The following EPM2A variants were observed in gnomAD, a reference collection of about 807,000 sequenced individuals.
EPM2A encodes the protein EPM2A glucan phosphatase, laforin, also known as laforin.
In EPM2A, 21 loss-of-function variants were observed where a neutral mutation model predicts 26.5. The ratio of observed to expected loss-of-function variants is 0.79; its 90% confidence interval spans 0.56 to 1.14. The LOEUF (loss-of-function observed/expected upper bound fraction) is 1.14, where lower values mean the gene tolerates loss of function less well. EPM2A is among the 50% of genes most tolerant of loss of function. The pLI is 0.00. For missense variants in EPM2A, 458 were observed against 440.8 expected (o/e 1.04, Z -0.35); for synonymous variants, 217 against 177.6 (o/e 1.22, Z -1.76).
At chr6:145,542,528 G>A (rs1474442187) in intron 2 of EPM2A, among the ~76,000 whole-genome samples, 1 of 152,194 alleles carries the variant, frequency 6.6e-6, no homozygotes, top group Non-Finnish European at 1.5e-5. Flanking sequence ...GTCAACTGCT[G>A]AGGCAAAGAC....
chr6:145,522,826 C>G lies in EPM2A; in HGVS notation c.341-20251G>C, dbSNP rs191620074. Among the ~76,000 whole-genome samples the G allele has an allele frequency of 8.8e-5, 13 of 148,020 alleles. No individual in the cohort carries two copies. The East Asian group carries it at 2.4e-3, about 27-fold the overall frequency. The stretch of plus-strand genomic sequence containing the variant: ...ATCACCCATGTTGAACTACAATAAA[C>G]TCCTCAAAGACACTCTCTTTTTTTA... On this transcript the variant is annotated intron_variant, in intron 2 of 3. Coordinates refer to the EPM2A transcript ENST00000450221.
intron 2 of EPM2A, among the ~76,000 whole-genome samples, chr6:145,513,786 A>G (rs927218410): frequency 1.3e-5 from 2 of 152,246 alleles, no homozygotes; most frequent in Admixed American, 1.3e-4. Context: ...AGAAGAAGCC[A>G]GCCATCTCTC....
At chr6:145,556,925 T>C (rs1331772982) in intron 2 of EPM2A, among the ~76,000 whole-genome samples, 1 of 152,118 alleles carries the variant, frequency 6.6e-6, no homozygotes, top group Non-Finnish European at 1.5e-5. Context: ...GGAAATATCA[T>C]ACACGATCAT....
chr6:145,479,834 TATTTTCC>T, intron 4 of EPM2A, among the ~76,000 whole-genome samples: 1 of 152,192 alleles, frequency 6.6e-6, no homozygotes, highest in African/African-American at 2.4e-5. Context: ...GACCACCAAC[TATTTTCC>T]ATGGAGGCAG....
At chr6:145,448,373 A>G (rs1450420148) in intron 4 of EPM2A, among the ~76,000 whole-genome samples, 1 of 152,112 alleles carries the variant, frequency 6.6e-6, no homozygotes, top group Admixed American at 6.5e-5. Context: ...GGAAAAAGGC[A>G]AGAGAATTTA....
At position 145,446,617 on chromosome 6, in the gene EPM2A, CA is replaced by C. The variant is rs532219399; in HGVS notation, c.555+55904del. Among the ~76,000 whole-genome samples the C allele has an allele frequency of 4.3e-3, 649 of 152,222 alleles. 2 individuals are homozygous for C. The highest frequency in any genetic ancestry group is 7.4e-3 in the Non-Finnish European group (500 of 68,002). On this transcript the variant is annotated intron_variant, in intron 4 of 4. Transcript: ENST00000638717. ...TATGACCTAGCCCTGTGTTTTTCAC[CA>C]GGGTCTCACCTCCTTGGCAGGATTA...
chr6:145,393,567 G>A (rs1778365483), intron 4 of EPM2A, among the ~76,000 whole-genome samples: 1 of 152,066 alleles, frequency 6.6e-6, no homozygotes, highest in African/African-American at 2.4e-5. Flanking sequence ...TTTTCCTTGT[G>A]GTAAATTCAG....
At chr6:145,667,866 G>A (rs952294582) in intron 2 of EPM2A, among the ~76,000 whole-genome samples, 1 of 150,832 alleles carries the variant, frequency 6.6e-6, no homozygotes, top group Admixed American at 6.6e-5. Context: ...CCTTTGTAGG[G>A]ACGTGGATGA....
At chr6:145,385,931 A>C (rs1778254888) in intron 4 of EPM2A, among the ~76,000 whole-genome samples, 1 of 152,054 alleles carries the variant, frequency 6.6e-6, no homozygotes, top group Admixed American at 6.6e-5. Context: ...CAAGAATTTA[A>C]AATTCCTTGT....
chr6:145,714,201 G>A (rs1775489819), intron 1 of EPM2A, among the ~76,000 whole-genome samples: 1 of 152,206 alleles, frequency 6.6e-6, no homozygotes, highest in Non-Finnish European at 1.5e-5. Flanking sequence ...GTTCCCATGA[G>A]TAATTGGTCC....
intron 1 of EPM2A, among the ~76,000 whole-genome samples, chr6:145,718,169 T>G (rs1339881532): frequency 6.6e-6 from 1 of 152,062 alleles, no homozygotes; most frequent in Admixed American, 6.6e-5. Context: ...AAGTCAATCC[T>G]AAGCCAAAAG....
intron 1 of EPM2A, among the ~76,000 whole-genome samples, chr6:145,727,507 TAA>T (rs554366521): frequency 7.0e-6 from 1 of 142,994 alleles, no homozygotes; most frequent in African/African-American, 2.6e-5. Context: ...TAGCCCATGA[TAA>T]AAAAAAAAAA....
At position 145,720,525 on chromosome 6, in the gene EPM2A, C is replaced by T. The variant is rs531532842; in HGVS notation, c.301+14673G>A. On this transcript the variant is annotated intron_variant, in intron 1 of 3. Coordinates refer to ENST00000367519, the MANE Select transcript of EPM2A (RefSeq NM_005670.4). ...GGTGAAATTAAGGATAGCTCTAAAT[C>T]GAAGATGATGGAAATAACAGTGTGA... Among the ~76,000 whole-genome samples, 7 of 152,172 alleles carry T rather than the reference C, an allele frequency of 4.6e-5. No homozygotes were observed. The South Asian group carries it at 1.0e-3, about 23-fold the overall frequency.
intron 2 of EPM2A, among the ~76,000 whole-genome samples, chr6:145,680,354 G>A (rs775123426): frequency 1.8e-4 from 26 of 143,630 alleles, no homozygotes; most frequent in Admixed American, 2.9e-4. Context: ...TTTTTTCTGC[G>A]TAAGTTTCAT....
chr6:145,606,857 A>C (rs1775273965), intron 2 of EPM2A, among the ~76,000 whole-genome samples: 1 of 152,214 alleles, frequency 6.6e-6, no homozygotes, highest in South Asian at 2.1e-4. Context: ...TAGACCTCAT[A>C]AGTAACCTTA....
chr6:145,394,620 G>C (rs1402550211), intron 4 of EPM2A, among the ~76,000 whole-genome samples: 1 of 152,120 alleles, frequency 6.6e-6, no homozygotes, highest in Non-Finnish European at 1.5e-5. Flanking sequence ...ATGGAAGTTT[G>C]TTCAGGACTT....
At chr6:145,600,349 A>C (rs1397809779) in intron 2 of EPM2A, among the ~76,000 whole-genome samples, 3 of 152,178 alleles carry the variant, frequency 2.0e-5, no homozygotes, top group Admixed American at 6.5e-5. Context: ...TTAGAAAACT[A>C]GGATTCCCTA....
At chr6:145,426,098 C>A (rs1329165405) in intron 4 of EPM2A, among the ~76,000 whole-genome samples, 4 of 152,168 alleles carry the variant, frequency 2.6e-5, no homozygotes, top group Non-Finnish European at 4.4e-5. Context: ...CAAGCAGTTT[C>A]CATTGAACTC....
At chr6:145,684,646 A>G in intron 2 of EPM2A, 1 of 152,122 alleles carries the variant, frequency 6.6e-6, no homozygotes, top group East Asian at 1.9e-4. Context: ...TTATATCTTT[A>G]TTTCCAAGCT....
Sources: gnomAD v4.1 joint callset for allele counts (sites outside exome capture counted in the v4.1 genomes callset) on GRCh38, gnomAD v4.1.1 for gene constraint, MANE v1.5 for transcripts, NCBI Gene and HGNC (gene_info 2026-07-23, HGNC 2026-07-21) for gene names.